Variants in WNT7A observed in about 807,000 individuals in gnomAD.
WNT7A encodes the protein protein Wnt-7a.
WNT7A carries 16 observed loss-of-function variants against 28.2 expected under a neutral mutation model. That is an observed-to-expected ratio of 0.57 (90% confidence interval 0.38 to 0.86). The LOEUF is 0.86. Among genes scored for constraint, WNT7A ranks in the 40% least tolerant of loss-of-function variants. The pLI is 0.00. For missense variants in WNT7A, 411 were observed against 489.7 expected (o/e 0.84, Z 1.52); for synonymous variants, 190 against 195.9 (o/e 0.97, Z 0.25).
intron 2 of WNT7A, among the ~76,000 whole-genome samples, chr3:13,858,033 A>G (rs567588684): frequency 2.6e-5 from 4 of 152,310 alleles, no homozygotes; most frequent in African/African-American, 7.2e-5. Flanking sequence ...GGTAAGGAGT[A>G]GGGCTTTTCT....
At chr3:13,869,381 GGGAGAGAAAGAA>G (rs1324855003) in intron 2 of WNT7A, among the ~76,000 whole-genome samples, 4 of 140,300 alleles carry the variant, frequency 2.9e-5, no homozygotes, top group African/African-American at 5.4e-5. Context: ...AAGGGAGAAA[GGGAGAGAAAGAA>G]AGAGAGAAAG....
chr3:13,821,675 CCA>C (rs1472093269), intron 3 of WNT7A, among the ~76,000 whole-genome samples: 1 of 152,162 alleles, frequency 6.6e-6, no homozygotes, highest in Non-Finnish European at 1.5e-5. Flanking sequence ...GAAATGATTT[CCA>C]CAGAGTGATT....
At chr3:13,876,696 C>T (rs1045361341) in intron 1 of WNT7A, among the ~76,000 whole-genome samples, 3 of 151,930 alleles carry the variant, frequency 2.0e-5, no homozygotes, top group African/African-American at 4.8e-5. Context: ...GCTCCTGCCA[C>T]GTGCCAGCCT....
chr3:13,867,918 C>T (rs1483445880), intron 2 of WNT7A, among the ~76,000 whole-genome samples: 3 of 152,244 alleles, frequency 2.0e-5, no homozygotes, highest in Non-Finnish European at 4.4e-5. Flanking sequence ...ACTCACTGGG[C>T]AGACATGCAG....
chr3:13,876,002 A>G (rs150084944), intron 1 of WNT7A: 1 of 152,470 alleles, frequency 6.6e-6, no homozygotes, highest in East Asian at 1.9e-4. Flanking sequence ...AAAACAGGCC[A>G]TCTCGACAGT....
intron 2 of WNT7A, among the ~76,000 whole-genome samples, chr3:13,861,253 GGCAGTGGGGACAGTCT>G (rs1374346374): frequency 3.3e-5 from 5 of 152,216 alleles, no homozygotes; most frequent in African/African-American, 1.2e-4. Context: ...CTCCACCCCT[GGCAGTGGGGACAGTCT>G]GCTGTGAAGG....
chr3:13,878,685 C>T (rs968030930), intron 1 of WNT7A, among the ~76,000 whole-genome samples: 2 of 152,166 alleles, frequency 1.3e-5, no homozygotes, highest in African/African-American at 4.8e-5. Context: ...ATCCCCTCGC[C>T]GCAGCCCCTG....
At chr3:13,825,361 T>C (rs1200496361) in intron 3 of WNT7A, among the ~76,000 whole-genome samples, 2 of 152,200 alleles carry the variant, frequency 1.3e-5, no homozygotes, top group African/African-American at 2.4e-5. Flanking sequence ...AGCACTGTGA[T>C]GACCTGCCTA....
intron 2 of WNT7A, among the ~76,000 whole-genome samples, chr3:13,861,437 C>T (rs1395292278): frequency 6.6e-6 from 1 of 152,222 alleles, no homozygotes; most frequent in African/African-American, 2.4e-5. Flanking sequence ...TGAGGAAACT[C>T]AGATGAGGAG....
chr3:13,879,565 T>C (rs1695174866), intron 1 of WNT7A, among the ~76,000 whole-genome samples, 181 bp downstream of exon 1: 1 of 152,078 alleles, frequency 6.6e-6, no homozygotes, highest in Non-Finnish European at 1.5e-5. Flanking sequence ...CCCCTGCCTA[T>C]ATCTCCTGGG....
chr3:13,870,424 C>A (rs187183542), intron 2 of WNT7A, among the ~76,000 whole-genome samples: 4 of 152,290 alleles, frequency 2.6e-5, no homozygotes, highest in Admixed American at 2.6e-4. Context: ...GGATGGCAGA[C>A]GTCCAGCTTC....
intron 3 of WNT7A, among the ~76,000 whole-genome samples, chr3:13,838,636 G>A (rs1451457742): frequency 6.6e-6 from 1 of 152,222 alleles, no homozygotes; most frequent in Non-Finnish European, 1.5e-5. Context: ...GGGCTTCAAG[G>A]GGACCTGGTT....
intron 2 of WNT7A, among the ~76,000 whole-genome samples, chr3:13,858,940 G>T (rs1344310050): frequency 6.6e-6 from 1 of 152,196 alleles, no homozygotes; most frequent in African/African-American, 2.4e-5. Flanking sequence ...ACTAACGTCA[G>T]GGCTGTTAAC....
chr3:13,847,481 G>A (rs1694558126), intron 3 of WNT7A, among the ~76,000 whole-genome samples: 1 of 152,178 alleles, frequency 6.6e-6, no homozygotes, highest in Non-Finnish European at 1.5e-5. Context: ...TTGATTAAAT[G>A]CCCACAGAAG....
chr3:13,822,672 G>A (rs1694132112), intron 3 of WNT7A, among the ~76,000 whole-genome samples: 1 of 152,224 alleles, frequency 6.6e-6, no homozygotes, highest in Non-Finnish European at 1.5e-5. Flanking sequence ...TATATTAAAA[G>A]CCATTGAATT....
At chr3:13,858,232 T>C (rs948524608) in intron 2 of WNT7A, among the ~76,000 whole-genome samples, 2 of 152,158 alleles carry the variant, frequency 1.3e-5, no homozygotes, top group Admixed American at 1.3e-4. Flanking sequence ...GGAGACTGTG[T>C]CCTCTTTATC....
At chr3:13,842,253 A>C (rs138360671) in intron 3 of WNT7A, among the ~76,000 whole-genome samples, 148 of 152,300 alleles carry the variant, frequency 9.7e-4, no homozygotes, top group African/African-American at 3.4e-3. Flanking sequence ...ACGCTGATGG[A>C]TAAGACCCTG....
rs903328096 is a variant in WNT7A, at chr3:13,847,584, G to A, written c.570+6948C>T. Among the ~76,000 whole-genome samples the A allele has an allele frequency of 7.9e-5, 12 of 152,250 alleles. 1 individual carries two copies. The South Asian group carries it at 1.7e-3, about 21-fold the overall frequency. ...ACAGTGGAGGCTAGGGAGGGTTCCC[G>A]GATTTAGCACATAAATAGGCTGAAA... On this transcript the variant is annotated intron_variant, in intron 3 of 3. Coordinates refer to ENST00000285018, the MANE Select transcript of WNT7A (RefSeq NM_004625.4).
intron 2 of WNT7A, among the ~76,000 whole-genome samples, chr3:13,862,823 G>T (rs1694852891): frequency 6.6e-6 from 1 of 152,250 alleles, no homozygotes; most frequent in South Asian, 2.1e-4. Context: ...CCAATGGTCA[G>T]CATCTACTCC....
Sources: allele counts gnomAD v4.1 joint callset (sites outside exome capture counted in the v4.1 genomes callset), GRCh38; gene constraint gnomAD v4.1.1; transcripts MANE v1.5; gene names NCBI Gene and HGNC (gene_info 2026-07-23, HGNC 2026-07-21).